GRIP1: variants seen among roughly 807,000 people sequenced by gnomAD.
GRIP1 encodes the protein glutamate receptor-interacting protein 1.
In GRIP1, 45 loss-of-function variants were observed where a neutral mutation model predicts 129.9. The ratio of observed to expected loss-of-function variants is 0.35; its 90% CI spans 0.27 to 0.44. GRIP1 has a LOEUF of 0.44. GRIP1 is among the 20% of genes least tolerant of loss of function. GRIP1 has a pLI of 1.00. For synonymous variants in GRIP1, 530 were observed against 520.8 expected, an observed-to-expected ratio of 1.02 and a Z score of -0.24; for missense variants, 1,196 against 1,396.8, an observed-to-expected ratio of 0.86 and a Z score of 2.29.
intron 1 of GRIP1, among the ~76,000 whole-genome samples, chr12:67,021,550 A>C (rs2042867283): frequency 1.3e-5 from 2 of 152,194 alleles, no homozygotes; most frequent in Admixed American, 1.3e-4. Flanking sequence ...TATGGGGTAC[A>C]TAGTAATGTT....
chr12:67,029,890 T>C (rs1236256781), intron 1 of GRIP1, among the ~76,000 whole-genome samples: 1 of 151,790 alleles, frequency 6.6e-6, no homozygotes, highest in East Asian at 1.9e-4. Context: ...TCTACTAATG[T>C]CCAATAAAAA....
intron 1 of GRIP1, among the ~76,000 whole-genome samples, chr12:67,067,666 C>T (rs533483312): frequency 2.0e-5 from 3 of 152,094 alleles, no homozygotes; most frequent in Admixed American, 2.0e-4. Flanking sequence ...AGGATACAAA[C>T]CAAAGACAGG....
chr12:66,925,457 T>C (rs1054402928), intron 1 of GRIP1, among the ~76,000 whole-genome samples: 1 of 152,088 alleles, frequency 6.6e-6, no homozygotes, highest in Non-Finnish European at 1.5e-5. Context: ...ACAAATGTAG[T>C]TCTCATTTGT....
intron 1 of GRIP1, among the ~76,000 whole-genome samples, chr12:66,914,452 C>A (rs916261821): frequency 7.9e-5 from 12 of 152,166 alleles, no homozygotes. Context: ...CTAATCATAA[C>A]TGTGATGTAG....
At chr12:66,902,857 A>C (rs2040865291) in intron 1 of GRIP1, among the ~76,000 whole-genome samples, 1 of 152,210 alleles carries the variant, frequency 6.6e-6, no homozygotes, top group African/African-American at 2.4e-5. Context: ...TTGAACAGTA[A>C]AGATACATGT....
chr12:66,425,706 G>A (rs2137892959), intron 14 of GRIP1, among the ~76,000 whole-genome samples: 1 of 151,950 alleles, frequency 6.6e-6, no homozygotes, highest in African/African-American at 2.4e-5. Flanking sequence ...ATCATTCTCA[G>A]CAAACTATCG....
intron 2 of GRIP1, among the ~76,000 whole-genome samples, chr12:66,590,407 A>T (rs2063809903): frequency 6.6e-6 from 1 of 152,212 alleles, no homozygotes; most frequent in Non-Finnish European, 1.5e-5. Flanking sequence ...CTGAACACAC[A>T]AATCAAGGTG....
Position 66,633,323 on chromosome 12 carries a change from A to AC in GRIP1, c.56-36397_56-36396insG, listed in dbSNP as rs935979110. On this transcript the variant is annotated intron_variant, in intron 1 of 24. Coordinates refer to ENST00000359742, the MANE Select transcript of GRIP1 (RefSeq NM_001366722.1). ...ACTACACTATACTATACTATACTAT[A>AC]TATATATAGTAGAGATGGGGTTTTG... Among the ~76,000 whole-genome samples, 21 of 137,616 alleles carry AC rather than the reference A, an allele frequency of 1.5e-4. No individual in the cohort carries two copies. In the Admixed American group the frequency reaches 1.6e-3, roughly 10 times the overall value. 90.3% of individuals were successfully genotyped at this position (137,616 alleles called of 152,430 possible).
chr12:66,848,452 G>A (rs968337693), intron 1 of GRIP1, among the ~76,000 whole-genome samples: 1 of 152,214 alleles, frequency 6.6e-6, no homozygotes, highest in East Asian at 1.9e-4. Context: ...CCAAAGGAGT[G>A]GCTGACCATC....
intron 1 of GRIP1, among the ~76,000 whole-genome samples, chr12:66,625,952 A>T (rs1413772108): frequency 6.6e-6 from 1 of 152,120 alleles, no homozygotes; most frequent in Non-Finnish European, 1.5e-5. Flanking sequence ...CTCTCTGTGG[A>T]TGTGACATGG....
intron 11 of GRIP1, among the ~76,000 whole-genome samples, chr12:66,447,293 CTA>C (rs1329021568): frequency 6.6e-6 from 1 of 152,190 alleles, no homozygotes; most frequent in East Asian, 1.9e-4. Context: ...ACTTTATCCT[CTA>C]TGGTAATGCC....
At chr12:66,455,053 G>A (rs1010266164) in intron 11 of GRIP1, among the ~76,000 whole-genome samples, 1 of 151,986 alleles carries the variant, frequency 6.6e-6, no homozygotes, top group African/African-American at 2.4e-5. Flanking sequence ...TAAGAACAAA[G>A]GTTTCATGTC....
chr12:66,414,311 G>GAGA (rs1244755156), intron 15 of GRIP1, among the ~76,000 whole-genome samples: 2 of 152,064 alleles, frequency 1.3e-5, no homozygotes, highest in Non-Finnish European at 2.9e-5. Context: ...TAGGCAAGCA[G>GAGA]AGAGCCAAAT....
intron 2 of GRIP1, chr12:66,570,860 A>G (rs2062937464): frequency 6.6e-6 from 1 of 152,214 alleles, no homozygotes; most frequent in Admixed American, 6.5e-5. Flanking sequence ...ATATCAAGAC[A>G]GCACTTAAGT....
chr12:66,817,069 C>G (rs2039232505), intron 1 of GRIP1, among the ~76,000 whole-genome samples: 1 of 151,978 alleles, frequency 6.6e-6, no homozygotes, highest in African/African-American at 2.4e-5. Context: ...AATACCAAGT[C>G]AAACAAAATT....
At chr12:66,873,350 G>C (rs1592919801) in intron 1 of GRIP1, among the ~76,000 whole-genome samples, 1 of 152,056 alleles carries the variant, frequency 6.6e-6, no homozygotes, top group South Asian at 2.1e-4. Flanking sequence ...GAGAGATACT[G>C]TTCCATCCAT....
At chr12:66,619,405 G>A (rs2065174897) in intron 1 of GRIP1, among the ~76,000 whole-genome samples, 1 of 152,122 alleles carries the variant, frequency 6.6e-6, no homozygotes, top group East Asian at 1.9e-4. Context: ...TAAGGAAAGA[G>A]AGCCATTACG....
At chr12:66,565,740 A>G (rs2062732180) in intron 2 of GRIP1, among the ~76,000 whole-genome samples, 1 of 152,156 alleles carries the variant, frequency 6.6e-6, no homozygotes, top group Admixed American at 6.5e-5. Context: ...CACGATATTG[A>G]TTCTTCCTAT....
At chr12:66,360,641 G>C (rs976758841) in intron 23 of GRIP1, among the ~76,000 whole-genome samples, 1 of 152,180 alleles carries the variant, frequency 6.6e-6, no homozygotes, top group African/African-American at 2.4e-5. Context: ...ACAGGAGGCA[G>C]GGTGGGTTCA....
Sources: allele counts gnomAD v4.1 joint callset (sites outside exome capture counted in the v4.1 genomes callset), GRCh38; gene constraint gnomAD v4.1.1; transcripts MANE v1.5; gene names NCBI Gene and HGNC (gene_info 2026-07-23, HGNC 2026-07-21).